The following CERT1 variants were observed in gnomAD, a reference collection of about 807,000 sequenced individuals.
The protein encoded by CERT1 is ceramide transporter 1, also known as ceramide transfer protein.
CERT1 carries 31 observed loss-of-function variants against 87.9 expected under a neutral mutation model. The observed-to-expected ratio is 0.35, with a 90% CI of 0.27 to 0.48. CERT1 has a LOEUF of 0.48. Ranked by LOEUF, CERT1 falls within the 20% of genes least tolerant of loss-of-function variation. The pLI, the probability that CERT1 is intolerant of heterozygous loss-of-function variation, is 0.99. For missense variants in CERT1, 487 were observed against 758.0 expected, an observed-to-expected ratio of 0.64 and a Z score of 4.20; for synonymous variants, 289 against 250.9, an observed-to-expected ratio of 1.15 and a Z score of -1.44.
upstream of CERT1, chr5:75,511,701 C>T: frequency 2.6e-6 from 4 of 1,543,258 alleles, no homozygotes; most frequent in Non-Finnish European, 3.5e-6. Flanking sequence ...CGCCCCGTCC[C>T]CCTCCCGGCG....
At chr5:75,399,911 G>C (rs144649836) in intron 10 of CERT1, among the ~76,000 whole-genome samples, 3,611 of 152,188 alleles carry the variant, frequency 0.024, 140 homozygotes, top group African/African-American at 0.082. Flanking sequence ...GGCTGAGGTG[G>C]GTGGATCACA....
chr5:75,477,038 G>A (rs116986864), intron 2 of CERT1, among the ~76,000 whole-genome samples: 1 of 152,114 alleles, frequency 6.6e-6, no homozygotes, highest in Non-Finnish European at 1.5e-5. Flanking sequence ...GGTGTTATCT[G>A]AAGATACATG....
intron 3 of CERT1, among the ~76,000 whole-genome samples, chr5:75,452,182 A>G (rs1372126387): frequency 6.6e-6 from 1 of 152,180 alleles, no homozygotes; most frequent in Non-Finnish European, 1.5e-5. Context: ...ATGACAAGAC[A>G]ATTGCCTCTA....
At chr5:75,422,576 C>T (rs1763430196) in intron 5 of CERT1, among the ~76,000 whole-genome samples, 1 of 152,110 alleles carries the variant, frequency 6.6e-6, no homozygotes, top group Admixed American at 6.5e-5. Context: ...AAGATTGTGC[C>T]ACTGCACTCC....
chr5:75,386,201 G>C (rs1013602871), intron 12 of CERT1, 167 bp from the exon 13 acceptor site: 1 of 469,110 alleles, frequency 2.1e-6, no homozygotes, highest in Non-Finnish European at 3.4e-6. Flanking sequence ...AGACAAAAAA[G>C]TACTTAAAAT....
At chr5:75,404,343 A>G (rs1336302629) in intron 8 of CERT1, among the ~76,000 whole-genome samples, 1 of 151,896 alleles carries the variant, frequency 6.6e-6, no homozygotes, top group Non-Finnish European at 1.5e-5. Flanking sequence ...CAACAAACAT[A>G]CAGAACAGTG....
chr5:75,498,934 G>A (rs1167857152), intron 2 of CERT1, among the ~76,000 whole-genome samples: 2 of 152,196 alleles, frequency 1.3e-5, no homozygotes, highest in African/African-American at 2.4e-5. Flanking sequence ...CCAGGAGGGG[G>A]GCTTGTACTC....
chr5:75,419,175 T>C (rs906285878), intron 6 of CERT1, among the ~76,000 whole-genome samples, 166 bp downstream of exon 6: 1 of 152,236 alleles, frequency 6.6e-6, no homozygotes, highest in Non-Finnish European at 1.5e-5. Context: ...TATTACATAA[T>C]GTCAGAATGT....
At chr5:75,488,289 T>C (rs1766619718) in intron 2 of CERT1, among the ~76,000 whole-genome samples, 1 of 152,014 alleles carries the variant, frequency 6.6e-6, no homozygotes, top group Non-Finnish European at 1.5e-5. Flanking sequence ...TATGCCTGTA[T>C]CAAAATATCT....
chr5:75,436,661 A>T (rs1365542871), intron 3 of CERT1, among the ~76,000 whole-genome samples: 1 of 152,206 alleles, frequency 6.6e-6, no homozygotes, highest in Non-Finnish European at 1.5e-5. Flanking sequence ...CAAAATTGGA[A>T]TGTCTTTTGA....
chr5:75,429,985 C>T (rs921132969), intron 3 of CERT1, among the ~76,000 whole-genome samples: 6 of 151,664 alleles, frequency 4.0e-5, no homozygotes, highest in Non-Finnish European at 8.8e-5. Flanking sequence ...CTTGTCCCCA[C>T]CCCCAACATC....
chr5:75,389,529 T>C, intron 12 of CERT1, 63 bp downstream of exon 12: 2 of 1,208,504 alleles, frequency 1.7e-6, no homozygotes, highest in South Asian at 1.2e-5. Flanking sequence ...ATATCAATAG[T>C]AATGATAATA....
At chr5:75,496,589 A>ATTT (rs1767081427) in intron 2 of CERT1, among the ~76,000 whole-genome samples, 2 of 152,238 alleles carry the variant, frequency 1.3e-5, no homozygotes, top group South Asian at 2.1e-4. Context: ...CAACTGGTGA[A>ATTT]TGCATAAGCA....
At chr5:75,392,424 A>G (rs1333727202) in intron 11 of CERT1, among the ~76,000 whole-genome samples, 2 of 152,256 alleles carry the variant, frequency 1.3e-5, no homozygotes, top group African/African-American at 2.4e-5. Flanking sequence ...TTACTGCAAT[A>G]AACTCTGCAA....
At chr5:75,433,902 G>T (rs543039069) in intron 3 of CERT1, among the ~76,000 whole-genome samples, 1 of 152,092 alleles carries the variant, frequency 6.6e-6, no homozygotes, top group Non-Finnish European at 1.5e-5. Context: ...GAGACTATGG[G>T]GTTTTCTAGG....
intron 8 of CERT1, among the ~76,000 whole-genome samples, chr5:75,405,766 G>A (rs1301999473): frequency 1.3e-5 from 2 of 150,456 alleles, no homozygotes; most frequent in East Asian, 3.9e-4. Context: ...TTTTATTATT[G>A]TTAAAATAAA....
At chr5:75,419,654 C>T (rs1459000855) in intron 5 of CERT1, among the ~76,000 whole-genome samples, 1 of 152,078 alleles carries the variant, frequency 6.6e-6, no homozygotes, top group Non-Finnish European at 1.5e-5. Flanking sequence ...CCTGAATATT[C>T]TCATTTAGTG....
chr5:75,476,444 G>A (rs970943824), intron 2 of CERT1, among the ~76,000 whole-genome samples: 2 of 151,944 alleles, frequency 1.3e-5, no homozygotes, highest in African/African-American at 2.4e-5. Context: ...TGCTCTCCAC[G>A]ACAAATTCTA....
intron 3 of CERT1, among the ~76,000 whole-genome samples, chr5:75,446,082 T>C (rs1253898494): frequency 6.6e-6 from 1 of 152,204 alleles, no homozygotes; most frequent in Non-Finnish European, 1.5e-5. Flanking sequence ...TCGGCCATTA[T>C]CTCTTTGAAT....
Sources: gnomAD v4.1 joint callset for allele counts (sites outside exome capture counted in the v4.1 genomes callset) on GRCh38, gnomAD v4.1.1 for gene constraint, MANE v1.5 for transcripts, NCBI Gene and HGNC (gene_info 2026-07-23, HGNC 2026-07-21) for gene names.